The following AIDA variants were observed in gnomAD, a reference collection of about 807,000 sequenced individuals.
AIDA encodes axin interactor, dorsalization associated.
In AIDA, 18 loss-of-function variants were observed where a neutral mutation model predicts 42.7. The observed-to-expected ratio is 0.42, with a 90% CI of 0.29 to 0.63. The LOEUF (loss-of-function observed/expected upper bound fraction) is 0.63. Among genes scored for constraint, AIDA ranks in the 20% least tolerant of loss-of-function variants. The probability of loss-of-function intolerance (pLI) is 0.19; values close to 1 mark genes in which losing one functional copy is unlikely to be tolerated. For synonymous variants in AIDA, 104 were observed against 122.9 expected (o/e 0.85, Z 1.02); for missense variants, 250 against 354.1 (o/e 0.71, Z 2.36).
intron 6 of AIDA, among the ~76,000 whole-genome samples, chr1:222,684,965 A>G (rs1664716121): frequency 1.3e-5 from 2 of 152,338 alleles, no homozygotes; most frequent in South Asian, 4.1e-4. Context: ...TGAAACGGCA[A>G]TAAAAATTAT....
intron 4 of AIDA, among the ~76,000 whole-genome samples, chr1:222,689,475 G>GTA (rs1655289698): frequency 3.1e-5 from 1 of 32,782 alleles, no homozygotes; most frequent in Non-Finnish European, 4.7e-5. Flanking sequence ...ATGTATGTGT[G>GTA]TGTGTGTATA....
rs76118069 is a variant in AIDA at position 222,671,348 on chromosome 1, T to C, written c.707-1098A>G. 1.5e-3 allele frequency among the ~76,000 whole-genome samples: 233 copies of C among 152,338 alleles called. 7 individuals are homozygous for C. The South Asian group carries it at 0.021, about 14-fold the overall frequency. ...GGAGAAATAAGTTGCCTCATCAATG[T>C]GGCCAACAAAAATGAATTTCTAAAG... On this transcript the variant is annotated intron_variant, in intron 8 of 9. Transcript: ENST00000340020.
intron 6 of AIDA, among the ~76,000 whole-genome samples, chr1:222,682,923 G>T (rs1389495564): frequency 6.6e-6 from 1 of 152,142 alleles, no homozygotes; most frequent in Non-Finnish European, 1.5e-5. Context: ...TAGATAACAG[G>T]TCATAGTGAT....
chr1:222,711,109 C>G (rs1174255459), intron 1 of AIDA, among the ~76,000 whole-genome samples: 1 of 150,556 alleles, frequency 6.6e-6, no homozygotes, highest in Non-Finnish European at 1.5e-5. Flanking sequence ...GTGGGGGAGG[C>G]CGGGGGTATT....
chr1:222,688,193 T>A (rs929073106), intron 4 of AIDA, among the ~76,000 whole-genome samples: 9 of 152,296 alleles, frequency 5.9e-5, no homozygotes, highest in Middle Eastern at 3.4e-3. Context: ...GCAAGAATGA[T>A]ACTCTGTTTC....
At chr1:222,707,620 A>C (rs1283706330) in intron 1 of AIDA, among the ~76,000 whole-genome samples, 6 of 152,252 alleles carry the variant, frequency 3.9e-5, no homozygotes, top group Non-Finnish European at 4.4e-5. Flanking sequence ...TATTAGGAAA[A>C]GTGAAATAAA....
rs1407134625 is a variant in AIDA at position 222,712,478 on chromosome 1, A to G, written c.-161T>C. On this transcript the variant is annotated 5_prime_UTR_variant, in exon 1 of 10. Transcript: ENST00000340020. ...GAGCCGCCCAAGCCCATTTGCCGCC[A>G]CAGCCAAACTTTGCGGCTCCAAAGC... is the stretch of plus-strand genomic sequence containing the variant. 4 of 1,416,706 alleles carry G rather than the reference A, an allele frequency of 2.8e-6. No individual in the cohort carries two copies. Among genetic ancestry groups the G allele is most frequent in the Non-Finnish European group, 3.7e-6 (4 of 1,088,648 alleles). 87.8% of individuals were successfully genotyped at this position (1,416,706 alleles called of 1,614,324 possible). A position where few individuals can be genotyped will look rare whatever the true frequency, so the allele number is the denominator to read the frequency against.
At chr1:222,692,018 G>A (rs1316765139) in intron 4 of AIDA, among the ~76,000 whole-genome samples, 1 of 152,020 alleles carries the variant, frequency 6.6e-6, no homozygotes, top group Non-Finnish European at 1.5e-5. Context: ...TAATATATGT[G>A]GATAATGTTG....
intron 6 of AIDA, among the ~76,000 whole-genome samples, chr1:222,682,432 C>T (rs1237912863): frequency 2.6e-5 from 4 of 152,160 alleles, no homozygotes; most frequent in Non-Finnish European, 4.4e-5. Context: ...GGCACTGGTA[C>T]TTCAATGAGA....
chr1:222,693,688 C>A, intron 4 of AIDA, 101 bp downstream of exon 4: 1 of 1,006,984 alleles, frequency 9.9e-7, no homozygotes, highest in Non-Finnish European at 1.5e-6. Flanking sequence ...TAGATATTAA[C>A]AGAAATAAAT....
intron 4 of AIDA, among the ~76,000 whole-genome samples, chr1:222,689,403 GCA>G (rs1178716088): frequency 6.7e-6 from 1 of 148,230 alleles, no homozygotes; most frequent in African/African-American, 2.5e-5. Flanking sequence ...TCATGCCACT[GCA>G]CTCCAGCCTG....
chr1:222,688,989 T>C (rs1045401576), intron 4 of AIDA, among the ~76,000 whole-genome samples: 1 of 151,910 alleles, frequency 6.6e-6, no homozygotes, highest in Admixed American at 6.6e-5. Flanking sequence ...TGGGACAAGA[T>C]GTGGAGGTGG....
intron 4 of AIDA, 108 bp downstream of exon 4, chr1:222,693,681 A>C: frequency 1.1e-6 from 1 of 907,034 alleles, no homozygotes; most frequent in Non-Finnish European, 1.7e-6. Flanking sequence ...ATAGGACTAG[A>C]TATTAACAGA....
chr1:222,681,493 G>A (rs1307414295), intron 6 of AIDA, among the ~76,000 whole-genome samples: 1 of 152,086 alleles, frequency 6.6e-6, no homozygotes, highest in Non-Finnish European at 1.5e-5. Context: ...GTGAAACTCT[G>A]CCTGCACTAA....
chr1:222,687,228 G>A (rs1273567645), intron 5 of AIDA, among the ~76,000 whole-genome samples, 192 bp from the exon 6 acceptor site: 5 of 152,082 alleles, frequency 3.3e-5, no homozygotes, highest in African/African-American at 9.7e-5. Context: ...TCAGGAGTTC[G>A]AGACCAGCCT....
intron 1 of AIDA, among the ~76,000 whole-genome samples, chr1:222,705,010 A>G (rs1292553615): frequency 6.6e-6 from 1 of 152,192 alleles, no homozygotes; most frequent in African/African-American, 2.4e-5. Flanking sequence ...AGTTCTATGC[A>G]ATCATGTCTT....
Position 222,687,576 on chromosome 1 carries a change from A to G in AIDA, c.353+19T>C, listed in dbSNP as rs202187548. The G allele has an allele frequency of 4.1e-6, 6 of 1,479,170 alleles. No homozygotes were observed. The East Asian group carries it at 1.4e-4, about 35-fold the overall frequency. The allele number at this position is 1,479,170 out of a possible 1,614,324, so 91.6% of individuals were successfully genotyped here. ...GGTATAAAATAAAATAAGAAAACAA[A>G]TATAAATGTTTCTTTTACCTTAATG... On this transcript the variant is annotated intron_variant, in intron 5 of 9. Coordinates refer to ENST00000340020, the MANE Select transcript of AIDA (RefSeq NM_022831.4).
rs201614137 is a variant in AIDA at position 222,689,569 on chromosome 1, G to GTATA, written c.290-1915_290-1912dup. 1.6e-3 allele frequency among the ~76,000 whole-genome samples: 161 copies of GTATA among 100,448 alleles called. 3 individuals carry two copies. The highest frequency in any genetic ancestry group is 5.4e-3 in the East Asian group (20 of 3,688). The allele number at this position is 100,448 out of a possible 152,430, so 65.9% of individuals were successfully genotyped here. ...TATATACATATATATGTATATATAT[G>GTATA]TATATATATATACACACACACACAC... On this transcript the variant is annotated intron_variant, in intron 4 of 9. Coordinates refer to ENST00000340020, the MANE Select transcript of AIDA (RefSeq NM_022831.4).
At chr1:222,681,684 G>A (rs960114599) in intron 6 of AIDA, among the ~76,000 whole-genome samples, 2 of 152,028 alleles carry the variant, frequency 1.3e-5, no homozygotes, top group Admixed American at 6.6e-5. Context: ...ATAAAAGAAC[G>A]TTTTGAAAAC....
Sources: allele counts gnomAD v4.1 joint callset (sites outside exome capture counted in the v4.1 genomes callset), GRCh38; gene constraint gnomAD v4.1.1; transcripts MANE v1.5; gene names NCBI Gene and HGNC (gene_info 2026-07-23, HGNC 2026-07-21).